Variants in PTPRN2 observed in about 807,000 individuals in gnomAD.
PTPRN2 encodes receptor-type tyrosine-protein phosphatase N2.
Under a neutral mutation model 118.8 loss-of-function variants are expected in PTPRN2, and 74 were observed. The ratio of observed to expected loss-of-function variants is 0.62; its 90% CI spans 0.52 to 0.76. PTPRN2 has a LOEUF of 0.76. Among genes scored for constraint, PTPRN2 ranks in the 30% least tolerant of loss-of-function variants. The probability of loss-of-function intolerance (pLI) is 0.00; values close to 1 mark genes in which losing one functional copy is unlikely to be tolerated. For missense variants in PTPRN2, 1,481 were observed against 1,394.4 expected, an observed-to-expected ratio of 1.06 and a Z score of -0.99; for synonymous variants, 641 against 608.0, an observed-to-expected ratio of 1.05 and a Z score of -0.80.
chr7:158,419,657 TG>T (rs1815087089), intron 2 of PTPRN2, among the ~76,000 whole-genome samples: 1 of 152,022 alleles, frequency 6.6e-6, no homozygotes, highest in Admixed American at 6.6e-5. Flanking sequence ...GTGAAATACC[TG>T]ATGGAGGACT....
intron 3 of PTPRN2, among the ~76,000 whole-genome samples, chr7:158,314,378 T>C (rs971794251): frequency 8.5e-5 from 13 of 152,156 alleles, no homozygotes; most frequent in African/African-American, 3.1e-4. Flanking sequence ...ACTCAGAAAA[T>C]GTGACACAGT....
At chr7:157,817,088 C>T (rs990396018) in intron 12 of PTPRN2, among the ~76,000 whole-genome samples, 5 of 152,174 alleles carry the variant, frequency 3.3e-5, no homozygotes, top group African/African-American at 9.7e-5. Context: ...CCGGGGGTGT[C>T]GGCATGGGAG....
chr7:157,892,060 C>T (rs1025919574), intron 12 of PTPRN2, among the ~76,000 whole-genome samples: 3 of 152,272 alleles, frequency 2.0e-5, no homozygotes, highest in Middle Eastern at 3.4e-3. Flanking sequence ...GTGTCTATCA[C>T]GACGCTTAGA....
chr7:157,664,256 A>G (rs1489974659), intron 13 of PTPRN2, among the ~76,000 whole-genome samples: 3 of 152,262 alleles, frequency 2.0e-5, no homozygotes, highest in African/African-American at 7.2e-5. Flanking sequence ...CGTGGCACAC[A>G]TACTTCTTTA....
chr7:158,376,401 A>C (rs1810511918), intron 2 of PTPRN2, among the ~76,000 whole-genome samples: 1 of 120,286 alleles, frequency 8.3e-6, no homozygotes. Context: ...GGGTCAGGGG[A>C]CTCCCCCATG....
intron 12 of PTPRN2, among the ~76,000 whole-genome samples, chr7:157,851,481 A>G (rs2151205319): frequency 6.6e-6 from 1 of 152,150 alleles, no homozygotes; most frequent in South Asian, 2.1e-4. Context: ...CTTTGCCATC[A>G]CTGAGGTTCC....
intron 12 of PTPRN2, among the ~76,000 whole-genome samples, chr7:157,792,583 T>G (rs1193200031): frequency 6.6e-6 from 1 of 152,204 alleles, no homozygotes; most frequent in Non-Finnish European, 1.5e-5. Context: ...TGCTCCCCAG[T>G]GTCCCAAGCA....
intron 1 of PTPRN2, among the ~76,000 whole-genome samples, chr7:158,513,625 C>CAG (rs10626635): frequency 0.99 from 151,252 of 152,218 alleles, 75,145 homozygotes; most frequent in East Asian, 1. Flanking sequence ...TTATTATAGA[C>CAG]AGAGAGAGAA....
intron 11 of PTPRN2, among the ~76,000 whole-genome samples, chr7:158,071,804 GGAGGTGCTCGTCGTATGGAGGTGCCC>G (rs1472312958): frequency 2.6e-5 from 3 of 116,372 alleles, no homozygotes; most frequent in Non-Finnish European, 3.6e-5. Context: ...TGCTCCTGGT[GGAGGTGCTCGTCGTATGGAGGTGCCC>G]GTGGTGGAGG....
chr7:158,039,146 T>C (rs1808281943), intron 11 of PTPRN2, among the ~76,000 whole-genome samples: 1 of 152,244 alleles, frequency 6.6e-6, no homozygotes, highest in South Asian at 2.1e-4. Flanking sequence ...TACCATGCCA[T>C]AGTTACATAT....
intron 1 of PTPRN2, among the ~76,000 whole-genome samples, chr7:158,531,793 A>G (rs1586886296): frequency 6.6e-6 from 1 of 152,330 alleles, no homozygotes; most frequent in East Asian, 1.9e-4. Context: ...CTCTGCTCAT[A>G]GAAAGAACGT....
At chr7:157,605,315 T>C (rs1174911883) in intron 15 of PTPRN2, among the ~76,000 whole-genome samples, 3 of 152,224 alleles carry the variant, frequency 2.0e-5, no homozygotes, top group Admixed American at 6.5e-5. Flanking sequence ...GCAGCTTCCA[T>C]GGTTGACACT....
intron 11 of PTPRN2, among the ~76,000 whole-genome samples, chr7:158,071,582 C>CGTG (rs1563392123): frequency 1.3e-3 from 10 of 7,526 alleles, no homozygotes; most frequent in African/African-American, 2.7e-3. Context: ...TGGAGGTGCT[C>CGTG]CTGGTGGAGG....
intron 2 of PTPRN2, among the ~76,000 whole-genome samples, chr7:158,357,179 G>T (rs1443293574): frequency 1.3e-5 from 2 of 152,276 alleles, no homozygotes; most frequent in Admixed American, 6.5e-5. Flanking sequence ...CTTGTTTGCA[G>T]GTAGAGTTTA....
chr7:158,142,624 C>T (rs1337578246), intron 6 of PTPRN2, among the ~76,000 whole-genome samples: 1 of 152,192 alleles, frequency 6.6e-6, no homozygotes. Context: ...CTTCGCCACA[C>T]CCCCAGGGCC....
intron 2 of PTPRN2, among the ~76,000 whole-genome samples, chr7:158,325,502 G>T (rs570783420): frequency 2.6e-5 from 4 of 152,180 alleles, no homozygotes; most frequent in African/African-American, 9.7e-5. Context: ...TAACCACAAT[G>T]CGCATACCTA....
intron 12 of PTPRN2, among the ~76,000 whole-genome samples, chr7:157,847,842 G>A (rs1305824572): frequency 6.9e-6 from 1 of 144,102 alleles, no homozygotes; most frequent in Non-Finnish European, 1.5e-5. Flanking sequence ...TCCATCATGT[G>A]TGCCCGATGT....
intron 2 of PTPRN2, among the ~76,000 whole-genome samples, chr7:158,338,430 G>C (rs1266068098): frequency 6.9e-5 from 1 of 14,456 alleles, no homozygotes; most frequent in East Asian, 1.8e-3. Context: ...GGCCCACAGA[G>C]GACACTCACA....
At chr7:158,482,653 A>C (rs1820728382) in intron 2 of PTPRN2, among the ~76,000 whole-genome samples, 1 of 152,212 alleles carries the variant, frequency 6.6e-6, no homozygotes, top group African/African-American at 2.4e-5. Flanking sequence ...TGTGTGACTC[A>C]CTTTATCGTC....
Sources: gnomAD v4.1 joint callset for allele counts (sites outside exome capture counted in the v4.1 genomes callset) on GRCh38, gnomAD v4.1.1 for gene constraint, MANE v1.5 for transcripts, NCBI Gene and HGNC (gene_info 2026-07-23, HGNC 2026-07-21) for gene names.